The following MDN1 variants were observed in gnomAD, a reference collection of about 807,000 sequenced individuals.
The protein encoded by MDN1 is midasin.
In MDN1, 266 loss-of-function variants were observed where a neutral mutation model predicts 669.2. That is an observed-to-expected ratio of 0.40 (90% CI 0.36 to 0.44). The LOEUF (loss-of-function observed/expected upper bound fraction) is 0.44, where lower values mean the gene tolerates loss of function less well. MDN1 is among the 20% of genes least tolerant of loss of function. The probability of loss-of-function intolerance (pLI) is 1.00; values close to 1 mark genes in which losing one functional copy is unlikely to be tolerated. For missense variants in MDN1, 5,940 were observed against 6,754.0 expected, an observed-to-expected ratio of 0.88 and a Z score of 4.22; for synonymous variants, 2,385 against 2,457.1, an observed-to-expected ratio of 0.97 and a Z score of 0.87.
Position 89,644,187 on chromosome 6 carries a change from T to C in MDN1, c.16609A>G (p.Ile5537Val), listed in dbSNP as rs766184933. 1.2e-6 allele frequency: 2 copies of C among 1,607,350 alleles called. No individual in the cohort carries two copies. Among genetic ancestry groups the C allele is most frequent in the East Asian group, 2.2e-5 (1 of 44,734 alleles). ...VLDNPSSRDS[I>V]LDIKVPIFKG... ...AATATCGGTACTTTAATGTCCAAGA[T>C]AGAATCCTGTCAACAAAAGACATTT... The change falls in exon 102 of 102, where the codon ATC (isoleucine) becomes GTC (valine). Residue 5537 changes from isoleucine to valine, a missense_variant. This residue lies in a region of MDN1 where 2,280 missense variants were observed against 2,576.3 expected (regional missense o/e 0.88). Transcript: ENST00000369393.
chr6:89,728,749 C>A (rs1041814930), intron 36 of MDN1, among the ~76,000 whole-genome samples, 182 bp downstream of exon 36: 4 of 151,968 alleles, frequency 2.6e-5, no homozygotes, highest in Non-Finnish European at 5.9e-5. Flanking sequence ...GAGAATTGCA[C>A]CCCACTGCAC....
chr6:89,714,296 G>GGTTA (rs1562128891), intron 46 of MDN1, among the ~76,000 whole-genome samples: 1 of 152,112 alleles, frequency 6.6e-6, no homozygotes, highest in African/African-American at 2.4e-5. Flanking sequence ...ATTACTCGAG[G>GGTTA]GTTAGCCTCT....
At chr6:89,670,887 T>C (rs781288049) in intron 83 of MDN1, 32 bp downstream of exon 83, 2 of 1,595,150 alleles carry the variant, frequency 1.3e-6, no homozygotes. Context: ...GGGTCCCTGC[T>C]GCTCACAGTG....
rs771517315 is a variant in MDN1 at position 89,683,913 on chromosome 6, T to A, written c.11830-9A>T. The stretch of plus-strand genomic sequence containing the variant: ...GAAATCTTAACAAATTCCTGTAAGA[T>A]AAATGATGTTCAAGAAATGGCTTTA... On this transcript the variant is annotated splice_polypyrimidine_tract_variant and intron_variant, in intron 71 of 101. Transcript: ENST00000369393. 8.1e-6 allele frequency: 13 copies of A among 1,603,696 alleles called. No individual in the cohort carries two copies. The highest frequency in any genetic ancestry group is 1.0e-5 in the Non-Finnish European group (12 of 1,171,266).
rs1271861574 is a variant in MDN1, at chr6:89,749,690, G to A, written c.3468C>T (p.Ala1156=). ...TCAGCGCCTCTAACACATCAGTAGG[G>A]GCCAAATTTAATTCATCTAAAATAA... ...YWIILDELNL[A]PTDVLEALNR... The change falls in exon 25 of 102, where the codon GCC becomes GCT. Residue 1156 remains alanine (A), a synonymous_variant. Coordinates refer to ENST00000369393, the MANE Select transcript of MDN1 (RefSeq NM_014611.3). 1 of 1,613,694 alleles carries A rather than the reference G, an allele frequency of 6.2e-7. No homozygotes were observed. Among genetic ancestry groups the A allele is most frequent in the Non-Finnish European group, 8.5e-7 (1 of 1,179,874 alleles).
Position 89,699,690 on chromosome 6 carries a change from TCTC to T in MDN1, c.8905_8907del (p.Glu2969del), listed in dbSNP as rs1813008761. Reference sequence around the variant, plus strand: ...AGACAAAATGAGATGAGGTGACTTATCTCCTCATTTATCTGGGGTTGTTGATTT... The same window carrying T: ...AGACAAAATGAGATGAGGTGACTTATCTCATTTATCTGGGGTTGTTGATTT... On this transcript the variant is annotated inframe_deletion, in exon 58 of 102. Transcript: ENST00000369393. 1.2e-6 allele frequency: 2 copies of T among 1,614,028 alleles called. No individual in the cohort carries two copies. Among genetic ancestry groups the T allele is most frequent in the Non-Finnish European group, 1.7e-6 (2 of 1,179,982 alleles).
At chr6:89,652,166 GA>G (rs756038964) in intron 95 of MDN1, 25 bp downstream of exon 95, 3 of 1,583,246 alleles carry the variant, frequency 1.9e-6, no homozygotes, top group Non-Finnish European at 2.6e-6. Flanking sequence ...GATATTTTAT[GA>G]AAAAAACAGT....
Position 89,695,718 on chromosome 6 carries a change from G to A in MDN1, c.9658C>T (p.Arg3220Cys), listed in dbSNP as rs780718510. Reference protein sequence around the residue: ...SKRSLPEPAQRGSLWVSLGLL... With the variant: ...SKRSLPEPAQCGSLWVSLGLL... ...CCGAGGCTCACCCAGAGGCTCCCAC[G>A]CTGGGCTGGCTCAGGCAGGCTCCTC... Residue 3220 changes from arginine to cysteine, a missense_variant, in exon 61 of 102, where the codon CGT becomes TGT. Transcript: ENST00000369393. The surrounding 1 kb of genome is among the most constrained non-coding windows in gnomAD (Gnocchi z 4.1). 16 of 1,613,704 alleles carry A rather than the reference G, an allele frequency of 9.9e-6. No homozygotes were observed. Among genetic ancestry groups the A allele is most frequent in the East Asian group, 2.2e-5 (1 of 44,864 alleles).
chr6:89,752,343 T>C (rs1817000165), intron 22 of MDN1, among the ~76,000 whole-genome samples: 1 of 152,206 alleles, frequency 6.6e-6, no homozygotes, highest in South Asian at 2.1e-4. Context: ...TGGTATTTGA[T>C]TACAATAATG....
At chr6:89,784,222 C>A (rs1252716963) in intron 9 of MDN1, among the ~76,000 whole-genome samples, 1 of 151,828 alleles carries the variant, frequency 6.6e-6, no homozygotes, top group Admixed American at 6.6e-5. Context: ...GAGGCTAAGG[C>A]ATGAGAATTG....
rs199871382 is a variant in MDN1, at chr6:89,658,417, G to A, written c.15022-47C>T. ...CAGCATTAAATGCTCTGGGGGAACAGCATAAGGTGGGAGACCTTGCAACAA... is the reference window on the plus strand; with the variant it reads ...CAGCATTAAATGCTCTGGGGGAACAACATAAGGTGGGAGACCTTGCAACAA... On this transcript the variant is annotated intron_variant, in intron 89 of 101. Transcript: ENST00000369393. 6 of 1,610,180 alleles carry A rather than the reference G, an allele frequency of 3.7e-6. No homozygotes were observed. In the African/African-American group the frequency reaches 8.0e-5, roughly 21 times the overall value.
In MDN1 at chr6:89,754,757, A is replaced by C. The variant is rs1419407649; in HGVS notation, c.2817-527T>G. 2.6e-5 allele frequency among the ~76,000 whole-genome samples: 4 copies of C among 152,224 alleles called. No individual in the cohort carries two copies. The East Asian group carries it at 7.7e-4, about 29-fold the overall frequency. ...GATGGGAAAAGTTTCAGACTGAAAC[A>C]TGAAGGTCTTGCACTTTGTGAAATT... On this transcript the variant is annotated intron_variant, in intron 20 of 101. Transcript: ENST00000369393.
Position 89,653,001 on chromosome 6 carries a change from C to G in MDN1, c.15816G>C (p.Thr5272=). 6.2e-7 allele frequency: 1 copy of G among 1,613,014 alleles called. No homozygotes were observed. Residue 5272 remains threonine (T), a synonymous_variant, in exon 94 of 102, where the codon ACG becomes ACC. Coordinates refer to ENST00000369393, the MANE Select transcript of MDN1 (RefSeq NM_014611.3). ...IHTAHQFLMD[T]IFQPFLKDVN... ...TTGTGAGTTTTACTACCTGGAAGAT[C>G]GTGTCCATGAGGAATTGATGAGCTG...
intron 15 of MDN1, among the ~76,000 whole-genome samples, chr6:89,766,294 ATCT>A (rs1817797091): frequency 6.6e-6 from 1 of 151,910 alleles, no homozygotes; most frequent in African/African-American, 2.4e-5. Context: ...GTTAGACTCC[ATCT>A]CAAAAAAAAA....
At chr6:89,800,437 AAAC>A (rs1405799647) in intron 2 of MDN1, among the ~76,000 whole-genome samples, 6 of 152,124 alleles carry the variant, frequency 3.9e-5, no homozygotes, top group Admixed American at 3.3e-4. Flanking sequence ...CAAAAAAAAC[AAAC>A]AACGACAACA....
rs868734881 is a variant in MDN1, at chr6:89,651,339, A to G, written c.15916-492T>C. On this transcript the variant is annotated intron_variant, in intron 95 of 101. Transcript: ENST00000369393. ...GATTCCGTCTCAAAAAAAAAAAAAA[A>G]AAAAAGAAAAAGAAAAAAGTTGGCC... Among the ~76,000 whole-genome samples, 909 of 149,204 alleles carry G rather than the reference A, an allele frequency of 6.1e-3. 11 individuals are homozygous for G. Among genetic ancestry groups the G allele is most frequent in the African/African-American group, 0.021 (830 of 40,250 alleles).
Position 89,658,083 on chromosome 6 carries a change from A to G in MDN1, c.15183+126T>C, listed in dbSNP as rs1170160385. On this transcript the variant is annotated intron_variant, in intron 90 of 101. Coordinates refer to ENST00000369393, the MANE Select transcript of MDN1 (RefSeq NM_014611.3). ...AATGAGATGTGGTCTGTTAGATGTC[A>G]ACAACAAAACAAACAACAAAATAAC... The G allele has an allele frequency of 2.6e-6, 3 of 1,169,704 alleles. No homozygotes were observed. In the East Asian group the frequency reaches 7.2e-5, roughly 28 times the overall value. 72.5% of individuals were successfully genotyped at this position (1,169,704 alleles called of 1,614,324 possible).
chr6:89,746,611 AAAAGAAAGAAAG>A (rs35724331), intron 27 of MDN1, among the ~76,000 whole-genome samples: 2,409 of 40,338 alleles, frequency 0.06, 192 homozygotes, highest in East Asian at 0.34. Flanking sequence ...AAAAAAAAAA[AAAAGAAAGAAAG>A]AAAGAAAGAA....
At chr6:89,685,748 A>G (rs1323144639) in intron 70 of MDN1, 79 bp downstream of exon 70, 1 of 1,492,022 alleles carries the variant, frequency 6.7e-7, no homozygotes, top group South Asian at 1.3e-5. Flanking sequence ...GCAACAAGGC[A>G]CCTGTCTCAT....
Sources: allele counts gnomAD v4.1 joint callset (sites outside exome capture counted in the v4.1 genomes callset), GRCh38; gene constraint gnomAD v4.1.1; regional missense constraint gnomAD v4.1.1; non-coding constraint Gnocchi (gnomAD v3.1); transcripts MANE v1.5; gene names NCBI Gene and HGNC (gene_info 2026-07-23, HGNC 2026-07-21).